Variants in TTC28 observed in about 807,000 individuals in gnomAD.
TTC28 encodes the protein tetratricopeptide repeat protein 28.
In TTC28, 61 loss-of-function variants were observed where a neutral mutation model predicts 198.0. That is an observed-to-expected ratio of 0.31 (90% CI 0.25 to 0.38). TTC28 has a LOEUF of 0.38. Among genes scored for constraint, TTC28 ranks in the 10% least tolerant of loss-of-function variants. TTC28 has a pLI of 1.00. For synonymous variants in TTC28, 1,171 were observed against 1,297.8 expected, an observed-to-expected ratio of 0.90 and a Z score of 2.10; for missense variants, 2,678 against 3,164.0, an observed-to-expected ratio of 0.85 and a Z score of 3.69.
At chr22:28,577,074 A>G (rs2050162796) in intron 2 of TTC28, among the ~76,000 whole-genome samples, 2 of 151,814 alleles carry the variant, frequency 1.3e-5, no homozygotes, top group Non-Finnish European at 1.5e-5. Flanking sequence ...TGTTTATTTG[A>G]AGTTTTTCTA....
At chr22:28,503,693 G>C (rs1173226341) in intron 2 of TTC28, among the ~76,000 whole-genome samples, 7 of 152,288 alleles carry the variant, frequency 4.6e-5, no homozygotes, top group Middle Eastern at 3.4e-3. Flanking sequence ...AATCTTAATA[G>C]TATTAGCTAA....
intron 2 of TTC28, among the ~76,000 whole-genome samples, chr22:28,586,869 T>C (rs944575199): frequency 6.6e-6 from 1 of 152,182 alleles, no homozygotes; most frequent in Non-Finnish European, 1.5e-5. Context: ...ATAATACAAA[T>C]ATATGAAGTG....
chr22:28,366,098 T>C (rs957948727), intron 2 of TTC28, among the ~76,000 whole-genome samples: 2 of 152,234 alleles, frequency 1.3e-5, no homozygotes, highest in Non-Finnish European at 2.9e-5. Context: ...TTCTTACATG[T>C]ATGCATGTTG....
At chr22:28,221,004 T>C (rs1927810532) in intron 5 of TTC28, among the ~76,000 whole-genome samples, 1 of 152,100 alleles carries the variant, frequency 6.6e-6, no homozygotes, top group South Asian at 2.1e-4. Flanking sequence ...GGTGAGACAA[T>C]ACAGATAAAG....
chr22:28,074,413 G>T (rs1235550847), intron 12 of TTC28, among the ~76,000 whole-genome samples: 1 of 152,218 alleles, frequency 6.6e-6, no homozygotes, highest in Non-Finnish European at 1.5e-5. Flanking sequence ...AACAGATTCA[G>T]AATCCCACCC....
chr22:28,101,483 G>A (rs1035121191), intron 8 of TTC28, among the ~76,000 whole-genome samples: 6 of 152,080 alleles, frequency 3.9e-5, no homozygotes, highest in African/African-American at 9.7e-5. Context: ...GTCAGCCTCC[G>A]GAATACCTGG....
At chr22:28,674,213 T>A (rs1438288838) in intron 1 of TTC28, among the ~76,000 whole-genome samples, 1 of 150,948 alleles carries the variant, frequency 6.6e-6, no homozygotes, top group East Asian at 1.9e-4. Context: ...CGTAGAAAGG[T>A]GATGGGGACA....
intron 2 of TTC28, among the ~76,000 whole-genome samples, chr22:28,400,555 G>T (rs1247418147): frequency 6.6e-6 from 1 of 152,186 alleles, no homozygotes; most frequent in Admixed American, 6.5e-5. Context: ...GGCAACAGTA[G>T]CAGCAGTGAT....
At chr22:28,636,432 T>C (rs2051273256) in intron 1 of TTC28, among the ~76,000 whole-genome samples, 1 of 152,146 alleles carries the variant, frequency 6.6e-6, no homozygotes, top group African/African-American at 2.4e-5. Context: ...TTGAATAATA[T>C]TGTATTTTGC....
chr22:28,172,169 A>G (rs1453264678), intron 5 of TTC28, among the ~76,000 whole-genome samples: 1 of 152,092 alleles, frequency 6.6e-6, no homozygotes, highest in Middle Eastern at 3.2e-3. Flanking sequence ...CTATGGAGCT[A>G]GTGTAGCTTA....
At chr22:28,512,979 A>ATTTTTTTTTT (rs695729) in intron 2 of TTC28, among the ~76,000 whole-genome samples, 1 of 125,900 alleles carries the variant, frequency 7.9e-6, no homozygotes, top group Non-Finnish European at 1.6e-5. Flanking sequence ...TTTAACCTGG[A>ATTTTTTTTTT]TTTTTTTTTT....
At chr22:28,371,792 G>C (rs1473718265) in intron 2 of TTC28, among the ~76,000 whole-genome samples, 1 of 147,442 alleles carries the variant, frequency 6.8e-6, no homozygotes, top group African/African-American at 2.5e-5. Flanking sequence ...ATCTTGGCCA[G>C]GCTGGTCTTG....
At chr22:28,521,620 T>C (rs965877507) in intron 2 of TTC28, among the ~76,000 whole-genome samples, 1 of 152,114 alleles carries the variant, frequency 6.6e-6, no homozygotes, top group Non-Finnish European at 1.5e-5. Context: ...AGATTGCTTC[T>C]GGAAAACATA....
chr22:28,019,224 A>C (rs995165023), intron 13 of TTC28, among the ~76,000 whole-genome samples: 1 of 152,152 alleles, frequency 6.6e-6, no homozygotes, highest in Non-Finnish European at 1.5e-5. Context: ...GTTGGGCTAA[A>C]GTTCTTGTAG....
chr22:28,438,569 T>G (rs2047560551), intron 2 of TTC28, among the ~76,000 whole-genome samples: 1 of 152,144 alleles, frequency 6.6e-6, no homozygotes, highest in Admixed American at 6.6e-5. Flanking sequence ...AACAGTAAAA[T>G]AACATTAGAT....
chr22:28,538,938 CTTTT>C (rs1569010696), intron 2 of TTC28, among the ~76,000 whole-genome samples: 1 of 151,880 alleles, frequency 6.6e-6, no homozygotes, highest in Non-Finnish European at 1.5e-5. Context: ...CTTGTGTGAA[CTTTT>C]TTTTGACTAC....
chr22:28,507,254 C>T (rs1430215045), intron 2 of TTC28, among the ~76,000 whole-genome samples: 1 of 152,090 alleles, frequency 6.6e-6, no homozygotes, highest in Non-Finnish European at 1.5e-5. Context: ...AACATGAAAA[C>T]CTCACAATGC....
At chr22:28,348,041 G>A (rs1480566641) in intron 2 of TTC28, among the ~76,000 whole-genome samples, 1 of 152,240 alleles carries the variant, frequency 6.6e-6, no homozygotes, top group Non-Finnish European at 1.5e-5. Context: ...AAGAAGGAAA[G>A]AGCCTGGCAC....
chr22:28,084,455 C>T (rs199889905), intron 12 of TTC28, among the ~76,000 whole-genome samples: 11,679 of 152,210 alleles, frequency 0.077, 467 homozygotes, highest in South Asian at 0.089. Flanking sequence ...AGGGTCCTGT[C>T]TGTTAGAAGG....
Sources: gnomAD v4.1 joint callset for allele counts (sites outside exome capture counted in the v4.1 genomes callset) on GRCh38, gnomAD v4.1.1 for gene constraint, MANE v1.5 for transcripts, NCBI Gene and HGNC (gene_info 2026-07-23, HGNC 2026-07-21) for gene names.